The following KCTD8 variants were observed in gnomAD, a reference collection of about 807,000 sequenced individuals.
KCTD8 encodes the protein potassium channel tetramerization domain containing 8.
In KCTD8, 27 loss-of-function variants were observed where a neutral mutation model predicts 31.5. The observed-to-expected ratio is 0.86, with a 90% confidence interval of 0.63 to 1.18. The LOEUF (loss-of-function observed/expected upper bound fraction) is 1.18, where lower values mean the gene tolerates loss of function less well. KCTD8 is among the 50% of genes most tolerant of loss of function. The pLI, the probability that KCTD8 is intolerant of heterozygous loss-of-function variation, is 0.00. For synonymous variants in KCTD8, 290 were observed against 280.0 expected, an observed-to-expected ratio of 1.04 and a Z score of -0.36; for missense variants, 658 against 647.7, an observed-to-expected ratio of 1.02 and a Z score of -0.17.
At chr4:44,280,917 G>C (rs1183071317) in intron 1 of KCTD8, among the ~76,000 whole-genome samples, 4 of 152,048 alleles carry the variant, frequency 2.6e-5, no homozygotes. Flanking sequence ...ATGTGAGCTG[G>C]TATAGCTAGA....
intron 1 of KCTD8, among the ~76,000 whole-genome samples, chr4:44,285,817 G>A (rs958233577): frequency 1.9e-4 from 29 of 152,186 alleles, no homozygotes; most frequent in African/African-American, 6.0e-4. Context: ...GCTAAAGATA[G>A]TGATTCCTCT....
intron 1 of KCTD8, among the ~76,000 whole-genome samples, chr4:44,222,217 G>A (rs1423046882): frequency 1.3e-5 from 2 of 152,146 alleles, no homozygotes; most frequent in Non-Finnish European, 1.5e-5. Context: ...TATGGAAGCT[G>A]ATGGGACAGT....
At chr4:44,447,254 C>T (rs1560457180) in intron 1 of KCTD8, among the ~76,000 whole-genome samples, 1 of 152,246 alleles carries the variant, frequency 6.6e-6, no homozygotes, top group Non-Finnish European at 1.5e-5. Context: ...CCTCCGCAAC[C>T]GAGGAGACCC....
rs185223848 is a variant in KCTD8 at position 44,270,532 on chromosome 4, A to G, written c.962-95282T>C. 4.6e-3 allele frequency among the ~76,000 whole-genome samples: 707 copies of G among 152,156 alleles called. 4 individuals carry two copies. Among genetic ancestry groups the G allele is most frequent in the Non-Finnish European group, 8.5e-3 (579 of 67,996 alleles). On this transcript the variant is annotated intron_variant, in intron 1 of 1. Coordinates refer to ENST00000360029, the MANE Select transcript of KCTD8 (RefSeq NM_198353.3). The stretch of plus-strand genomic sequence containing the variant: ...ATTGTGCACATGTACCCTAAAACTT[A>G]AAGTATAATAATAATAATAAAAAAA...
intron 1 of KCTD8, among the ~76,000 whole-genome samples, chr4:44,337,678 A>ATATAT (rs1560429798): frequency 2.5e-5 from 3 of 122,416 alleles, no homozygotes; most frequent in African/African-American, 9.5e-5. Flanking sequence ...GATCTCAAAA[A>ATATAT]ATATATATAT....
chr4:44,355,395 T>C (rs1719316557), intron 1 of KCTD8, among the ~76,000 whole-genome samples: 1 of 152,154 alleles, frequency 6.6e-6, no homozygotes, highest in Non-Finnish European at 1.5e-5. Context: ...CATGTTGCTT[T>C]TTTTCTTTCG....
chr4:44,369,073 C>T (rs562108316), intron 1 of KCTD8, among the ~76,000 whole-genome samples: 6 of 151,990 alleles, frequency 3.9e-5, no homozygotes, highest in East Asian at 1.9e-4. Flanking sequence ...ATAAGGAAGA[C>T]GTGGAATGAG....
chr4:44,245,992 G>T (rs1042552841), intron 1 of KCTD8, among the ~76,000 whole-genome samples: 3 of 151,830 alleles, frequency 2.0e-5, no homozygotes, highest in African/African-American at 7.2e-5. Context: ...AAACAAGCAA[G>T]AAACAATCTT....
chr4:44,290,001 A>G (rs2109384502), intron 1 of KCTD8, among the ~76,000 whole-genome samples: 1 of 152,276 alleles, frequency 6.6e-6, no homozygotes, highest in African/African-American at 2.4e-5. Flanking sequence ...AAATGCCGCA[A>G]TAAAAAGGCA....
At chr4:44,209,444 TTC>T (rs1330891861) in intron 1 of KCTD8, among the ~76,000 whole-genome samples, 4 of 151,984 alleles carry the variant, frequency 2.6e-5, no homozygotes, top group African/African-American at 7.3e-5. Flanking sequence ...TTTGTTCTCT[TTC>T]TCTGTTTCTC....
In KCTD8 at chr4:44,396,171, G is replaced by A. The variant is rs143913198; in HGVS notation, c.961+51392C>T. Among the ~76,000 whole-genome samples the A allele has an allele frequency of 4.5e-3, 686 of 152,120 alleles. 3 individuals carry two copies. The highest frequency in any genetic ancestry group is 0.016 in the African/African-American group (649 of 41,514). On this transcript the variant is annotated intron_variant, in intron 1 of 1. Transcript: ENST00000360029. ...AAGGAGCATGCAACCTAGATCCCTC[G>A]CAGGCACAGTTCACAATAGGGTTTG...
intron 1 of KCTD8, among the ~76,000 whole-genome samples, chr4:44,351,329 A>G (rs1719188119): frequency 2.0e-5 from 3 of 152,114 alleles, no homozygotes; most frequent in Non-Finnish European, 2.9e-5. Context: ...TTGATCTGAC[A>G]TTTTCACCAC....
At chr4:44,408,137 T>A (rs771165501) in intron 1 of KCTD8, among the ~76,000 whole-genome samples, 21 of 152,166 alleles carry the variant, frequency 1.4e-4, no homozygotes, top group Non-Finnish European at 2.6e-4. Flanking sequence ...ACAAGTTAAA[T>A]CCTTGAACCT....
At chr4:44,425,413 T>C (rs974235425) in intron 1 of KCTD8, among the ~76,000 whole-genome samples, 2 of 152,046 alleles carry the variant, frequency 1.3e-5, no homozygotes, top group African/African-American at 4.8e-5. Flanking sequence ...AAATTAAATC[T>C]AACAAATCAG....
chr4:44,266,763 G>A (rs1442756316), intron 1 of KCTD8, among the ~76,000 whole-genome samples: 5 of 151,906 alleles, frequency 3.3e-5, no homozygotes, highest in Admixed American at 6.6e-5. Flanking sequence ...GATAAAACAG[G>A]CTTTAAACCA....
intron 1 of KCTD8, among the ~76,000 whole-genome samples, chr4:44,288,977 T>A (rs987890197): frequency 6.6e-6 from 1 of 151,564 alleles, no homozygotes; most frequent in East Asian, 1.9e-4. Context: ...TTAAAAATGA[T>A]ACAGGTTAAA....
chr4:44,347,276 G>T (rs569056063), intron 1 of KCTD8, among the ~76,000 whole-genome samples: 9 of 152,284 alleles, frequency 5.9e-5, no homozygotes, highest in East Asian at 1.9e-4. Flanking sequence ...CTCTTGTTAA[G>T]GTCCATGACA....
intron 1 of KCTD8, among the ~76,000 whole-genome samples, chr4:44,382,269 G>C (rs1402398313): frequency 6.6e-6 from 1 of 151,950 alleles, no homozygotes; most frequent in African/African-American, 2.4e-5. Context: ...CATCTCAATA[G>C]ATAGAGAAAA....
intron 1 of KCTD8, among the ~76,000 whole-genome samples, chr4:44,271,974 T>C (rs1330288991): frequency 6.6e-6 from 1 of 151,916 alleles, no homozygotes; most frequent in Non-Finnish European, 1.5e-5. Flanking sequence ...AAGCTAGTCT[T>C]GGCATGTGAT....
Sources: allele counts gnomAD v4.1 joint callset (sites outside exome capture counted in the v4.1 genomes callset), GRCh38; gene constraint gnomAD v4.1.1; transcripts MANE v1.5; gene names NCBI Gene and HGNC (gene_info 2026-07-23, HGNC 2026-07-21).